The following RPN2 variants were observed in gnomAD, a reference collection of about 807,000 sequenced individuals.
The protein encoded by RPN2 is dolichyl-diphosphooligosaccharide--protein glycosyltransferase subunit 2.
RPN2 carries 29 observed loss-of-function variants against 71.4 expected under a neutral mutation model. The observed-to-expected ratio is 0.41, with a 90% CI of 0.30 to 0.55. The LOEUF is 0.55. RPN2 is among the 20% of genes least tolerant of loss of function. RPN2 has a pLI of 0.35. For missense variants in RPN2, 726 were observed against 774.1 expected (o/e 0.94, Z 0.74); for synonymous variants, 308 against 305.0 (o/e 1.01, Z -0.10).
chr20:37,183,866 G>A (rs988751386), intron 1 of RPN2, among the ~76,000 whole-genome samples: 4 of 152,352 alleles, frequency 2.6e-5, no homozygotes, highest in African/African-American at 9.6e-5. Flanking sequence ...ATCTGGTTGA[G>A]AGGCTGGCAA....
intron 3 of RPN2, among the ~76,000 whole-genome samples, 172 bp downstream of exon 3, chr20:37,198,664 CTAAG>C (rs2067311274): frequency 6.7e-6 from 1 of 150,078 alleles, no homozygotes; most frequent in African/African-American, 2.5e-5. Context: ...TATGTTTCTC[CTAAG>C]TTTTTACTTT....
chr20:37,238,755 A>T, intron 16 of RPN2: 1 of 625,992 alleles, frequency 1.6e-6, no homozygotes, highest in Non-Finnish European at 3.0e-6. Context: ...TTTATAGACA[A>T]GCCTCTCTCT....
chr20:37,195,091 C>G (rs975361028), intron 2 of RPN2, among the ~76,000 whole-genome samples: 1 of 151,894 alleles, frequency 6.6e-6, no homozygotes, highest in African/African-American at 2.4e-5. Context: ...GCAAGCAGAT[C>G]GGGGGTGGAC....
chr20:37,212,140 G>T (rs934569416), intron 8 of RPN2, among the ~76,000 whole-genome samples: 29 of 152,094 alleles, frequency 1.9e-4, no homozygotes, highest in Admixed American at 1.2e-3. Flanking sequence ...CAGTTTACTG[G>T]GTGTGTGGCT....
At chr20:37,225,340 C>T (rs1414358398) in intron 10 of RPN2, among the ~76,000 whole-genome samples, 1 of 152,158 alleles carries the variant, frequency 6.6e-6, no homozygotes, top group Non-Finnish European at 1.5e-5. Flanking sequence ...TTCTGCCAGC[C>T]CGGCTCTCCT....
At chr20:37,213,433 T>C (rs2067725419) in intron 8 of RPN2, among the ~76,000 whole-genome samples, 2 of 151,986 alleles carry the variant, frequency 1.3e-5, no homozygotes, top group African/African-American at 4.8e-5. Flanking sequence ...TACAAAAAAC[T>C]GCAAAATTAT....
At position 37,213,792 on chromosome 20, in the gene RPN2, A is replaced by G. The variant is rs746304941; in HGVS notation, c.1019A>G (p.Lys340Arg). The G allele has an allele frequency of 5.6e-6, 9 of 1,614,012 alleles. No homozygotes were observed. The highest frequency in any genetic ancestry group is 1.7e-5 in the Admixed American group (1 of 60,004). ...TTTGAACTAAATTTCATGAACGTCA[A>G]ATTTTCCAGTGGTTATTATGACTTC... is the stretch of plus-strand genomic sequence containing the variant. ...DVFELNFMNV[K>R]FSSGYYDFLV... Residue 340 changes from lysine (K) to arginine (R), a missense_variant, in exon 9 of 17, where the codon AAA becomes AGA. Lys to Arg is a conservative substitution (Grantham distance 26, BLOSUM62 2). Coordinates refer to ENST00000237530, the MANE Select transcript of RPN2 (RefSeq NM_002951.5).
chr20:37,204,641 T>G, intron 5 of RPN2, 126 bp from the exon 6 acceptor site: 1 of 1,031,536 alleles, frequency 9.7e-7, no homozygotes, highest in Non-Finnish European at 1.5e-6. Flanking sequence ...ATGAAGTGAC[T>G]GAGATGGTCT....
Position 37,194,408 on chromosome 20 carries a change from C to A in RPN2, c.208-3989C>A, listed in dbSNP as rs147522713. On this transcript the variant is annotated intron_variant, in intron 2 of 16. Coordinates refer to ENST00000237530, the MANE Select transcript of RPN2 (RefSeq NM_002951.5). ...TCCCAAGTAGCTGGGACTACAGGTG[C>A]ACACCCCCACGCCTGGCTAATTTTT... 2.7e-3 allele frequency among the ~76,000 whole-genome samples: 406 copies of A among 152,188 alleles called. 4 individuals carry two copies. Among genetic ancestry groups the A allele is most frequent in the African/African-American group, 9.2e-3 (383 of 41,520 alleles).
At chr20:37,200,509 A>G (rs773848331) in intron 4 of RPN2, 3 of 530,490 alleles carry the variant, frequency 5.7e-6, no homozygotes, top group South Asian at 2.8e-5. Context: ...GTGATACCAA[A>G]TCCCCCTTTC....
At chr20:37,198,576 T>A in intron 3 of RPN2, 84 bp downstream of exon 3, 1 of 1,596,194 alleles carries the variant, frequency 6.3e-7, no homozygotes, top group East Asian at 2.2e-5. Context: ...AAACATCCTT[T>A]TTTTAATTAT....
At chr20:37,194,416 C>T (rs2067210702) in intron 2 of RPN2, among the ~76,000 whole-genome samples, 1 of 152,154 alleles carries the variant, frequency 6.6e-6, no homozygotes, top group Non-Finnish European at 1.5e-5. Context: ...TGCACACCCC[C>T]ACGCCTGGCT....
At chr20:37,183,570 G>T (rs1315397937) in intron 1 of RPN2, among the ~76,000 whole-genome samples, 1 of 152,144 alleles carries the variant, frequency 6.6e-6, no homozygotes, top group Non-Finnish European at 1.5e-5. Context: ...GGAAACTGAG[G>T]CACCAGCTGG....
At chr20:37,221,666 T>C (rs1238053855) in intron 9 of RPN2, among the ~76,000 whole-genome samples, 3 of 152,234 alleles carry the variant, frequency 2.0e-5, no homozygotes, top group African/African-American at 7.2e-5. Flanking sequence ...AATAGGGAAT[T>C]ACCTAGTTAA....
At chr20:37,223,530 A>G (rs781281106) in intron 9 of RPN2, among the ~76,000 whole-genome samples, 34 of 152,242 alleles carry the variant, frequency 2.2e-4, no homozygotes, top group Non-Finnish European at 3.8e-4. Flanking sequence ...TTAGAACCCA[A>G]TTCTTGCTGA....
intron 13 of RPN2, among the ~76,000 whole-genome samples, chr20:37,230,410 C>T (rs548836854): frequency 1.3e-5 from 2 of 152,248 alleles, no homozygotes; most frequent in South Asian, 2.1e-4. Context: ...GCTGATGGGG[C>T]GACAGGTGGG....
At chr20:37,189,934 G>T (rs2067106763) in intron 2 of RPN2, among the ~76,000 whole-genome samples, 1 of 152,224 alleles carries the variant, frequency 6.6e-6, no homozygotes, top group African/African-American at 2.4e-5. Context: ...TCGTACTTCT[G>T]CTCTGGTTTT....
chr20:37,181,684 G>A (rs566763707), intron 1 of RPN2, among the ~76,000 whole-genome samples: 37 of 152,182 alleles, frequency 2.4e-4, no homozygotes, highest in Non-Finnish European at 4.7e-4. Flanking sequence ...CTCCCAAAGT[G>A]CTGGGGTTAG....
chr20:37,206,368 A>C (rs1038443341), intron 6 of RPN2, among the ~76,000 whole-genome samples: 1 of 152,214 alleles, frequency 6.6e-6, no homozygotes, highest in Non-Finnish European at 1.5e-5. Flanking sequence ...GAGGAAAGGT[A>C]GCTTAGCTGG....
Sources: gnomAD v4.1 joint callset for allele counts (sites outside exome capture counted in the v4.1 genomes callset) on GRCh38, gnomAD v4.1.1 for gene constraint, MANE v1.5 for transcripts, NCBI Gene and HGNC (gene_info 2026-07-23, HGNC 2026-07-21) for gene names.